Variants in ARMH3 observed in about 807,000 individuals in gnomAD.
ARMH3 encodes armadillo-like helical domain-containing protein 3.
ARMH3 carries 60 observed loss-of-function variants against 99.1 expected under a neutral mutation model. The ratio of observed to expected loss-of-function variants is 0.61; its 90% CI spans 0.49 to 0.75. The LOEUF (loss-of-function observed/expected upper bound fraction) is 0.75, where lower values mean the gene tolerates loss of function less well. Ranked by LOEUF, ARMH3 falls within the 30% of genes least tolerant of loss-of-function variation. ARMH3 has a pLI of 0.00. For missense variants in ARMH3, 679 were observed against 843.1 expected, an observed-to-expected ratio of 0.81 and a Z score of 2.41; for synonymous variants, 285 against 292.8, an observed-to-expected ratio of 0.97 and a Z score of 0.27.
intron 22 of ARMH3, among the ~76,000 whole-genome samples, chr10:101,954,181 G>T (rs939230278): frequency 6.6e-6 from 1 of 152,078 alleles, no homozygotes; most frequent in African/African-American, 2.4e-5. Context: ...GAAAGAGAAA[G>T]ACCCTGTCTC....
intron 23 of ARMH3, among the ~76,000 whole-genome samples, chr10:101,933,420 T>C (rs1564766405): frequency 6.6e-6 from 1 of 152,214 alleles, no homozygotes; most frequent in Non-Finnish European, 1.5e-5. Context: ...TTTACCTCAC[T>C]GCAGTTCACC....
chr10:102,035,497 C>T (rs927837063), intron 2 of ARMH3, among the ~76,000 whole-genome samples: 1 of 152,260 alleles, frequency 6.6e-6, no homozygotes, highest in Non-Finnish European at 1.5e-5. Flanking sequence ...TCACTGCAAC[C>T]TCCCTGCCTG....
chr10:101,940,683 T>C (rs1361139192), intron 22 of ARMH3, among the ~76,000 whole-genome samples: 1 of 152,130 alleles, frequency 6.6e-6, no homozygotes, highest in Non-Finnish European at 1.5e-5. Flanking sequence ...TTCCCACCTA[T>C]GAGTGAGAAC....
In ARMH3 at chr10:102,040,068, G is replaced by T; in HGVS notation, c.47C>A (p.Ala16Asp). 1 of 1,614,126 alleles carries T rather than the reference G, an allele frequency of 6.2e-7. No homozygotes were observed. Among genetic ancestry groups the T allele is most frequent in the South Asian group, 1.1e-5 (1 of 91,082 alleles). The change falls in exon 2 of 26, where the codon GCC becomes GAC. Residue 16 changes from alanine (A) to aspartate (D), a missense_variant. Transcript: ENST00000370033. ...TTTTTCCTTCAGTGGTTTTTTGGAG[G>T]CTGAAGATTTCCGGAGCAAACCTCC... is the stretch of plus-strand genomic sequence containing the variant. ...KRGGLLRKSS[A>D]SKKPLKEKVV...
intron 22 of ARMH3, among the ~76,000 whole-genome samples, chr10:101,944,287 G>T (rs1435716570): frequency 0.012 from 710 of 58,088 alleles, 1 homozygote; most frequent in East Asian, 0.049. Flanking sequence ...GAGAGAGAGA[G>T]AGAGAGAGAG....
At chr10:101,983,116 A>G (rs948266333) in intron 19 of ARMH3, among the ~76,000 whole-genome samples, 2 of 152,146 alleles carry the variant, frequency 1.3e-5, no homozygotes, top group Non-Finnish European at 2.9e-5. Context: ...TTGTATGTTG[A>G]GGTGACTGAC....
chr10:101,957,721 A>G lies in ARMH3; in HGVS notation c.1507T>C (p.Leu503=), dbSNP rs575095402. The change falls in exon 21 of 26, where the codon TTG becomes CTG. Residue 503 remains leucine, a synonymous_variant. Transcript: ENST00000370033. The stretch of plus-strand genomic sequence containing the variant: ...TCATTTGACATAAGGAACTTCAGCA[A>G]ATTTATCAAGGCTTTAAAAAAAAAA... ...WRELWSALIN[L]LKFLMSNETV... is the part of the protein sequence containing the mutation. The G allele has an allele frequency of 1.9e-6, 3 of 1,559,736 alleles. No individual in the cohort carries two copies. Among genetic ancestry groups the G allele is most frequent in the Non-Finnish European group, 2.6e-6 (3 of 1,162,516 alleles).
At chr10:102,015,391 ATTT>A (rs58969567) in intron 8 of ARMH3, among the ~76,000 whole-genome samples, 1 of 141,974 alleles carries the variant, frequency 7.0e-6, no homozygotes. Flanking sequence ...AGGTTTTGGG[ATTT>A]TTTTTTTTTT....
intron 2 of ARMH3, among the ~76,000 whole-genome samples, chr10:102,038,669 T>G (rs888629584): frequency 2.0e-5 from 3 of 152,146 alleles, no homozygotes; most frequent in Non-Finnish European, 4.4e-5. Flanking sequence ...CTGTCAGAAT[T>G]AGAACTCCTC....
At chr10:102,048,307 A>G (rs1470102657) in intron 1 of ARMH3, among the ~76,000 whole-genome samples, 1 of 152,242 alleles carries the variant, frequency 6.6e-6, no homozygotes, top group East Asian at 1.9e-4. Context: ...CACAATACTT[A>G]GTGATGGAGA....
At chr10:101,872,717 G>C (rs1161382934) in intron 24 of ARMH3, among the ~76,000 whole-genome samples, 1 of 152,038 alleles carries the variant, frequency 6.6e-6, no homozygotes, top group Non-Finnish European at 1.5e-5. Context: ...CAGCATTTTG[G>C]GTAGCCAAGG....
At chr10:101,918,135 C>T (rs1843156851) in intron 23 of ARMH3, among the ~76,000 whole-genome samples, 1 of 152,084 alleles carries the variant, frequency 6.6e-6, no homozygotes, top group African/African-American at 2.4e-5. Context: ...CTGACTGCAA[C>T]CTGCACCTCC....
intron 23 of ARMH3, among the ~76,000 whole-genome samples, chr10:101,896,517 A>T (rs1483661682): frequency 6.6e-6 from 1 of 152,174 alleles, no homozygotes; most frequent in African/African-American, 2.4e-5. Context: ...TGGTTGTACA[A>T]CCCTATGATT....
intron 13 of ARMH3, 54 bp downstream of exon 13, chr10:102,009,320 A>T: frequency 6.7e-7 from 1 of 1,486,878 alleles, no homozygotes; most frequent in South Asian, 1.1e-5. Flanking sequence ...CAATGGAATT[A>T]ATCGGTATGA....
chr10:101,852,753 C>CA lies in ARMH3; in HGVS notation c.1861-2862dup, dbSNP rs541447589. ...TGGATGACAGAGCAAGACCTTGTCTCAAAAAAAAAAAAGAAAAGAAAAAGA... is the reference window on the plus strand; with the variant it reads ...TGGATGACAGAGCAAGACCTTGTCTCAAAAAAAAAAAAAGAAAAGAAAAAGA... On this transcript the variant is annotated intron_variant, in intron 24 of 25. Transcript: ENST00000370033. Among the ~76,000 whole-genome samples, 375 of 120,850 alleles carry CA rather than the reference C, an allele frequency of 3.1e-3. 5 individuals are homozygous for CA. Among genetic ancestry groups the CA allele is most frequent in the Middle Eastern group, 8.3e-3 (2 of 240 alleles). 79.3% of individuals were successfully genotyped at this position (120,850 alleles called of 152,430 possible). A position where few individuals can be genotyped will look rare whatever the true frequency, so the allele number is the denominator to read the frequency against.
Position 101,849,773 on chromosome 10 carries a change from C to A in ARMH3, c.1977+3G>T. On this transcript the variant is annotated splice_donor_region_variant and intron_variant, in intron 25 of 25. Transcript: ENST00000370033. ...ACACAGGCAGAGGCGGTGGGGCACTCACCAGCTCTTTGAAGAAGGCAGCTT... is the reference window on the plus strand; with the variant it reads ...ACACAGGCAGAGGCGGTGGGGCACTAACCAGCTCTTTGAAGAAGGCAGCTT... 1 of 1,613,476 alleles carries A rather than the reference C, an allele frequency of 6.2e-7. No individual in the cohort carries two copies. Among genetic ancestry groups the A allele is most frequent in the Non-Finnish European group, 8.5e-7 (1 of 1,179,496 alleles).
At chr10:101,868,777 A>G (rs1347265414) in intron 24 of ARMH3, among the ~76,000 whole-genome samples, 1 of 152,244 alleles carries the variant, frequency 6.6e-6, no homozygotes, top group Admixed American at 6.5e-5. Context: ...TTATGTTATC[A>G]GCAAAGCTTC....
chr10:101,939,340 C>T (rs1844132824), intron 23 of ARMH3, among the ~76,000 whole-genome samples: 1 of 152,190 alleles, frequency 6.6e-6, no homozygotes, highest in Admixed American at 6.5e-5. Flanking sequence ...TCCTCAAGAC[C>T]CTGACCAACT....
chr10:101,875,098 A>C (rs1355096314), intron 24 of ARMH3, among the ~76,000 whole-genome samples: 1 of 152,182 alleles, frequency 6.6e-6, no homozygotes, highest in Non-Finnish European at 1.5e-5. Context: ...AGCCAGGGCA[A>C]CCCTTCTCTG....
Sources: allele counts gnomAD v4.1 joint callset (sites outside exome capture counted in the v4.1 genomes callset), GRCh38; gene constraint gnomAD v4.1.1; transcripts MANE v1.5; gene names NCBI Gene and HGNC (gene_info 2026-07-23, HGNC 2026-07-21).